Variants in PCDHA8 observed in about 807,000 individuals in gnomAD.
The protein encoded by PCDHA8 is protocadherin alpha-8.
In PCDHA8, 53 loss-of-function variants were observed where a neutral mutation model predicts 61.8. That is an observed-to-expected ratio of 0.86 (90% CI 0.69 to 1.08). The LOEUF (loss-of-function observed/expected upper bound fraction) is 1.08. Among genes scored for constraint, PCDHA8 ranks in the 50% least tolerant of loss-of-function variants. The pLI, the probability that PCDHA8 is intolerant of heterozygous loss-of-function variation, is 0.00. For synonymous variants in PCDHA8, 618 were observed against 556.6 expected (o/e 1.11, Z -1.55); for missense variants, 1,293 against 1,245.0 (o/e 1.04, Z -0.58).
At chr5:141,000,833 G>A (rs1554257850) in intron 3 of PCDHA8, among the ~76,000 whole-genome samples, 2 of 151,930 alleles carry the variant, frequency 1.3e-5, no homozygotes, top group Non-Finnish European at 2.9e-5. Flanking sequence ...CTTGAGTCCA[G>A]GAGATCCAGT....
At chr5:140,917,357 C>G (rs2078163128) in intron 1 of PCDHA8, among the ~76,000 whole-genome samples, 1 of 146,268 alleles carries the variant, frequency 6.8e-6, no homozygotes, top group African/African-American at 2.5e-5. Context: ...GGCTTCTGTT[C>G]CACTATCTTG....
At chr5:140,979,973 A>G (rs782560392) in intron 2 of PCDHA8, among the ~76,000 whole-genome samples, 9 of 152,230 alleles carry the variant, frequency 5.9e-5, no homozygotes, top group Non-Finnish European at 1.0e-4. Context: ...ATTAAAATGC[A>G]TTAGATTGAA....
At chr5:140,942,860 G>T (rs1262172468) in intron 1 of PCDHA8, among the ~76,000 whole-genome samples, 15 of 151,964 alleles carry the variant, frequency 9.9e-5, no homozygotes, top group Admixed American at 9.8e-4. Context: ...TGATTATTTT[G>T]CTTTAGCATG....
chr5:140,868,967 AC>A, intron 1 of PCDHA8: 1 of 1,435,870 alleles, frequency 7.0e-7, no homozygotes, highest in African/African-American at 1.4e-5. Context: ...ATACAAAGGA[AC>A]TCCATCATAC....
intron 3 of PCDHA8, among the ~76,000 whole-genome samples, chr5:140,995,674 AT>A (rs1240189428): frequency 1.3e-5 from 2 of 151,994 alleles, no homozygotes; most frequent in Non-Finnish European, 2.9e-5. Flanking sequence ...TAAATGCAGC[AT>A]TTTTTTTAAT....
chr5:140,882,930 A>C, intron 1 of PCDHA8: 8 of 1,614,214 alleles, frequency 5.0e-6, no homozygotes, highest in Non-Finnish European at 6.8e-6. Context: ...GGTAAACCCG[A>C]GCTGACTGGC....
At chr5:140,914,944 CTTTT>C (rs35695909) in intron 1 of PCDHA8, among the ~76,000 whole-genome samples, 298 of 128,244 alleles carry the variant, frequency 2.3e-3, no homozygotes, top group African/African-American at 8.2e-3. Flanking sequence ...GAAAAGTTGT[CTTTT>C]TTTTTTTTTT....
At chr5:140,845,460 T>C (rs1432281352) in intron 1 of PCDHA8, among the ~76,000 whole-genome samples, 1 of 149,744 alleles carries the variant, frequency 6.7e-6, no homozygotes, top group Non-Finnish European at 1.5e-5. Context: ...AACTCTCTGA[T>C]ATTTGAATTT....
At chr5:140,856,271 G>A (rs782472888) in intron 1 of PCDHA8, 1 of 1,598,148 alleles carries the variant, frequency 6.3e-7, no homozygotes, top group Admixed American at 1.7e-5. Flanking sequence ...GGACCTTCTG[G>A]AGGTAAATCT....
intron 3 of PCDHA8, among the ~76,000 whole-genome samples, chr5:140,997,463 C>A (rs2097770932): frequency 6.6e-6 from 1 of 152,198 alleles, no homozygotes; most frequent in Admixed American, 6.5e-5. Context: ...ATACTGTAGG[C>A]AATTTTTACA....
intron 1 of PCDHA8, among the ~76,000 whole-genome samples, chr5:140,902,660 C>A (rs1322922634): frequency 1.3e-5 from 2 of 152,116 alleles, no homozygotes; most frequent in Non-Finnish European, 2.9e-5. Flanking sequence ...GCACCTGTCA[C>A]CCAAGCAGTG....
chr5:140,868,951 A>C (rs2050753987), intron 1 of PCDHA8: 1 of 1,321,466 alleles, frequency 7.6e-7, no homozygotes, highest in African/African-American at 1.5e-5. Context: ...ACAGTGAGGC[A>C]CTCCCATACA....
At chr5:140,855,644 T>C (rs1324111294) in intron 1 of PCDHA8, among the ~76,000 whole-genome samples, 7 of 149,848 alleles carry the variant, frequency 4.7e-5, no homozygotes, top group African/African-American at 1.7e-4. Flanking sequence ...TTGATAATCA[T>C]GTGGTTAGGG....
At chr5:140,886,276 A>T (rs1352172114) in intron 1 of PCDHA8, among the ~76,000 whole-genome samples, 3 of 152,062 alleles carry the variant, frequency 2.0e-5, no homozygotes, top group Admixed American at 1.3e-4. Flanking sequence ...AAAATTTTTT[A>T]AAATTATTTT....
intron 1 of PCDHA8, among the ~76,000 whole-genome samples, chr5:140,902,974 AGGTT>A (rs2069912537): frequency 6.6e-6 from 1 of 152,178 alleles, no homozygotes. Context: ...ATGGGCATTT[AGGTT>A]GGTTCCATAT....
Position 140,877,553 on chromosome 5 carries a change from T to C in PCDHA8, c.2394+33838T>C, listed in dbSNP as rs781933436. The C allele has an allele frequency of 1.9e-6, 3 of 1,613,720 alleles. No individual in the cohort carries two copies. The South Asian group carries it at 3.3e-5, about 18-fold the overall frequency. On this transcript the variant is annotated intron_variant, in intron 1 of 3. Coordinates refer to ENST00000531613, the MANE Select transcript of PCDHA8 (RefSeq NM_018911.3). ...GCTGTGGATCCCGAAGCGGCTCTGG[T>C]GGATATTAACGTGTACCTCATCATC...
At chr5:140,883,526 G>A (rs1554178547) in intron 1 of PCDHA8, 2 of 1,614,226 alleles carry the variant, frequency 1.2e-6, no homozygotes, top group East Asian at 2.2e-5. Flanking sequence ...GAGCGTATCA[G>A]CCTATGAACT....
At position 140,856,335 on chromosome 5, in the gene PCDHA8, G is replaced by C; in HGVS notation, c.2394+12620G>C. ...CGGATTGACCGCGAGGAGCTGTGCG[G>C]GCGGAGCGTGGAGTGCAGCATCCAC... On this transcript the variant is annotated intron_variant, in intron 1 of 3. Transcript: ENST00000531613. 3 of 1,598,610 alleles carry C rather than the reference G, an allele frequency of 1.9e-6. 1 individual carries two copies. The highest frequency in any genetic ancestry group is 2.6e-6 in the Non-Finnish European group (3 of 1,168,024).
At chr5:140,856,971 A>C (rs782790207) in intron 1 of PCDHA8, 1 of 1,594,450 alleles carries the variant, frequency 6.3e-7, no homozygotes, top group East Asian at 2.2e-5. Flanking sequence ...GATGCTATTG[A>C]CTTTGAGGAC....
Sources: allele counts gnomAD v4.1 joint callset (sites outside exome capture counted in the v4.1 genomes callset), GRCh38; gene constraint gnomAD v4.1.1; transcripts MANE v1.5; gene names NCBI Gene and HGNC (gene_info 2026-07-23, HGNC 2026-07-21).